The following MTDH variants were observed in gnomAD, a reference collection of about 807,000 sequenced individuals.
MTDH encodes the protein metadherin, also known as protein LYRIC.
In MTDH, 34 loss-of-function variants were observed where a neutral mutation model predicts 72.7. The ratio of observed to expected loss-of-function variants is 0.47; its 90% CI spans 0.36 to 0.62. The LOEUF (loss-of-function observed/expected upper bound fraction) is 0.62. Ranked by LOEUF, MTDH falls within the 20% of genes least tolerant of loss-of-function variation. The probability of loss-of-function intolerance (pLI) is 0.00; values close to 1 mark genes in which losing one functional copy is unlikely to be tolerated. For missense variants in MTDH, 677 were observed against 699.4 expected, an observed-to-expected ratio of 0.97 and a Z score of 0.36; for synonymous variants, 266 against 268.9, an observed-to-expected ratio of 0.99 and a Z score of 0.10.
intron 1 of MTDH, among the ~76,000 whole-genome samples, chr8:97,652,398 A>G (rs893885766): frequency 1.3e-5 from 2 of 152,236 alleles, no homozygotes; most frequent in African/African-American, 4.8e-5. Context: ...TCACCTTAAA[A>G]GTCACCTTCC....
At chr8:97,697,697 T>A (rs558251001) in intron 6 of MTDH, among the ~76,000 whole-genome samples, 1 of 152,258 alleles carries the variant, frequency 6.6e-6, no homozygotes, top group Non-Finnish European at 1.5e-5. Context: ...ATTTTTTTTT[T>A]AACCATTTAA....
Position 97,683,093 on chromosome 8 carries a change from C to G in MTDH, c.484-3575C>G, listed in dbSNP as rs766280529. Among the ~76,000 whole-genome samples, 5 of 84,712 alleles carry G rather than the reference C, an allele frequency of 5.9e-5. No individual in the cohort carries two copies. The Admixed American group carries it at 1.0e-3, about 17-fold the overall frequency. 55.6% of individuals were successfully genotyped at this position (84,712 alleles called of 152,430 possible). On this transcript the variant is annotated intron_variant, in intron 2 of 11. Coordinates refer to ENST00000336273, the MANE Select transcript of MTDH (RefSeq NM_178812.4). ...TTTTTTTTTTTTTTTGAGATGGAGT[C>G]TCTCTCTGTCACCCAGGCTGGAGTG...
At chr8:97,710,683 CAAAAAAAAAA>C (rs376391821) in intron 8 of MTDH, among the ~76,000 whole-genome samples, 15 of 53,126 alleles carry the variant, frequency 2.8e-4, no homozygotes, top group South Asian at 1.0e-3. Context: ...GAGACTATCT[CAAAAAAAAAA>C]AAAAAAAAAA....
At chr8:97,668,646 C>T (rs1812486915) in intron 2 of MTDH, among the ~76,000 whole-genome samples, 1 of 152,022 alleles carries the variant, frequency 6.6e-6, no homozygotes. Context: ...CCTCTGCCTC[C>T]CAGGTTCAAG....
intron 6 of MTDH, 66 bp from the exon 7 acceptor site, chr8:97,699,688 C>A: frequency 9.2e-7 from 1 of 1,081,158 alleles, no homozygotes. Context: ...AAGTATAGAA[C>A]TATTGTTATG....
intron 1 of MTDH, among the ~76,000 whole-genome samples, chr8:97,649,261 G>C (rs1350148058): frequency 1.3e-5 from 2 of 152,154 alleles, no homozygotes; most frequent in African/African-American, 4.8e-5. Flanking sequence ...CAGTTTCACT[G>C]CCACTGCCCT....
At chr8:97,645,971 C>T (rs1027341211) in intron 1 of MTDH, among the ~76,000 whole-genome samples, 2 of 152,108 alleles carry the variant, frequency 1.3e-5, no homozygotes, top group African/African-American at 4.8e-5. Context: ...GTTTGGAGGG[C>T]AGTGCAAGGT....
At chr8:97,698,008 G>C (rs1813941193) in intron 6 of MTDH, among the ~76,000 whole-genome samples, 1 of 152,154 alleles carries the variant, frequency 6.6e-6, no homozygotes, top group South Asian at 2.1e-4. Flanking sequence ...GGGTTACTCT[G>C]TTAAAGTTTA....
At chr8:97,674,240 A>G (rs187494469) in intron 2 of MTDH, among the ~76,000 whole-genome samples, 11 of 152,360 alleles carry the variant, frequency 7.2e-5, no homozygotes, top group East Asian at 3.9e-4. Context: ...TGCACCTGCA[A>G]TTCTCCTACT....
chr8:97,670,189 G>A (rs756949673), intron 2 of MTDH, among the ~76,000 whole-genome samples: 7 of 152,102 alleles, frequency 4.6e-5, no homozygotes, highest in Non-Finnish European at 5.9e-5. Flanking sequence ...GTGGCACGCC[G>A]CCTGTAGTCC....
chr8:97,692,196 A>G (rs1763851743), intron 6 of MTDH, among the ~76,000 whole-genome samples: 2 of 151,708 alleles, frequency 1.3e-5, no homozygotes, highest in South Asian at 4.1e-4. Context: ...GTTTTGCTTT[A>G]GTGTTTTTGT....
rs1439889933 is a variant in MTDH, at chr8:97,665,885, GAGAGGC to G, written c.483+4719_483+4724del. On this transcript the variant is annotated intron_variant, in intron 2 of 11. Transcript: ENST00000336273. ...CTCACGCCTGTAATCCCAGCACTTTGAGAGGCAGAGGCGGGCGGATTACGAGAGGTC... is the reference window on the plus strand; with the variant it reads ...CTCACGCCTGTAATCCCAGCACTTTGAGAGGCGGGCGGATTACGAGAGGTC... Among the ~76,000 whole-genome samples, 10 of 152,194 alleles carry G rather than the reference GAGAGGC, an allele frequency of 6.6e-5. No individual in the cohort carries two copies. The East Asian group carries it at 1.9e-3, about 29-fold the overall frequency.
At chr8:97,661,700 T>G (rs752425960) in intron 2 of MTDH, among the ~76,000 whole-genome samples, 25 of 152,318 alleles carry the variant, frequency 1.6e-4, no homozygotes, top group Non-Finnish European at 3.1e-4. Flanking sequence ...CCTAGCACTT[T>G]GGTAGGCCGA....
intron 1 of MTDH, among the ~76,000 whole-genome samples, chr8:97,649,674 G>A (rs755115586): frequency 1.3e-5 from 2 of 152,146 alleles, no homozygotes; most frequent in Non-Finnish European, 2.9e-5. Context: ...TGTGAACACA[G>A]CTCACTGCAG....
intron 8 of MTDH, among the ~76,000 whole-genome samples, chr8:97,707,509 C>T (rs899260692): frequency 4.8e-5 from 7 of 147,360 alleles, no homozygotes; most frequent in Non-Finnish European, 1.0e-4. Flanking sequence ...CTCAAGTGAC[C>T]CTCCTGCCTC....
At chr8:97,687,168 T>A (rs1813399137) in intron 3 of MTDH, among the ~76,000 whole-genome samples, 1 of 152,084 alleles carries the variant, frequency 6.6e-6, no homozygotes. Context: ...ACAAGATGAC[T>A]TATATATATC....
At chr8:97,716,395 G>GA (rs1014962980) in intron 9 of MTDH, among the ~76,000 whole-genome samples, 1 of 143,760 alleles carries the variant, frequency 7.0e-6, no homozygotes, top group South Asian at 2.2e-4. Flanking sequence ...TTAAAAGAAA[G>GA]AAAAAAAAAG....
intron 2 of MTDH, among the ~76,000 whole-genome samples, chr8:97,667,434 A>G (rs1389528993): frequency 6.6e-6 from 1 of 152,252 alleles, no homozygotes; most frequent in Admixed American, 6.5e-5. Context: ...AATGGAATAT[A>G]TGCATAAAGT....
chr8:97,689,114 T>C lies in MTDH; in HGVS notation c.811+11T>C, dbSNP rs878890148. 1 of 1,536,884 alleles carries C rather than the reference T, an allele frequency of 6.5e-7. No individual in the cohort carries two copies. Reference sequence around the variant, plus strand: ...ATTCTACACTTCAGGGTGAGAGAAATTACATGTAACTTAAATTGAAGGCCC... The same window carrying C: ...ATTCTACACTTCAGGGTGAGAGAAACTACATGTAACTTAAATTGAAGGCCC... On this transcript the variant is annotated intron_variant, in intron 5 of 11. Coordinates refer to ENST00000336273, the MANE Select transcript of MTDH (RefSeq NM_178812.4).
Sources: allele counts gnomAD v4.1 joint callset (sites outside exome capture counted in the v4.1 genomes callset), GRCh38; gene constraint gnomAD v4.1.1; transcripts MANE v1.5; gene names NCBI Gene and HGNC (gene_info 2026-07-23, HGNC 2026-07-21).